FAM171A1: variants seen among roughly 807,000 people sequenced by gnomAD.
FAM171A1 encodes the protein family with sequence similarity 171 member A1.
FAM171A1 carries 23 observed loss-of-function variants against 74.9 expected under a neutral mutation model. That is an observed-to-expected ratio of 0.31 (90% CI 0.22 to 0.44). FAM171A1 has a LOEUF of 0.44. Among genes scored for constraint, FAM171A1 ranks in the 20% least tolerant of loss-of-function variants. FAM171A1 has a pLI of 1.00. For missense variants in FAM171A1, 1,162 were observed against 1,159.2 expected (o/e 1.00, Z -0.03); for synonymous variants, 527 against 505.7 (o/e 1.04, Z -0.57).
chr10:15,348,641 CCAG>C (rs1835843653), intron 1 of FAM171A1, among the ~76,000 whole-genome samples: 3 of 152,166 alleles, frequency 2.0e-5, no homozygotes, highest in Non-Finnish European at 4.4e-5. Context: ...GGTCCTCCAA[CCAG>C]CAGCATCAGC....
intron 5 of FAM171A1, among the ~76,000 whole-genome samples, chr10:15,231,750 G>A (rs1286440097): frequency 6.6e-6 from 1 of 152,086 alleles, no homozygotes; most frequent in African/African-American, 2.4e-5. Flanking sequence ...GAAGGAATCT[G>A]GTCAATTGTC....
intron 1 of FAM171A1, among the ~76,000 whole-genome samples, chr10:15,370,240 CTTTT>C (rs34087157): frequency 4.5e-5 from 5 of 110,856 alleles, no homozygotes; most frequent in Non-Finnish European, 5.5e-5. Context: ...AAGGATTTTT[CTTTT>C]TTTTTTTTTT....
At chr10:15,254,322 C>A (rs940008250) in intron 4 of FAM171A1, among the ~76,000 whole-genome samples, 3 of 152,156 alleles carry the variant, frequency 2.0e-5, no homozygotes, top group African/African-American at 7.2e-5. Context: ...CACCCACCCA[C>A]AGGCTACCCT....
intron 5 of FAM171A1, among the ~76,000 whole-genome samples, chr10:15,246,830 A>G (rs746493943): frequency 1.3e-5 from 2 of 152,050 alleles, no homozygotes; most frequent in Non-Finnish European, 2.9e-5. Flanking sequence ...CAGCAAATTG[A>G]TATTTTCAAG....
intron 2 of FAM171A1, 122 bp downstream of exon 2, chr10:15,283,756 A>T: frequency 2.2e-6 from 2 of 929,512 alleles, no homozygotes; most frequent in Non-Finnish European, 3.3e-6. Flanking sequence ...GGCTAATTTT[A>T]AATTTTTTTG....
chr10:15,317,828 T>C (rs1835440976), intron 1 of FAM171A1, among the ~76,000 whole-genome samples: 1 of 152,216 alleles, frequency 6.6e-6, no homozygotes, highest in Non-Finnish European at 1.5e-5. Flanking sequence ...TCTTGCTCTG[T>C]TGCCCAGGCT....
chr10:15,270,595 C>T (rs771647016), intron 3 of FAM171A1, among the ~76,000 whole-genome samples: 7 of 152,182 alleles, frequency 4.6e-5, no homozygotes, highest in Non-Finnish European at 7.3e-5. Context: ...AGGTCCCTGA[C>T]CCCCGAGTAG....
intron 1 of FAM171A1, among the ~76,000 whole-genome samples, chr10:15,286,831 A>C (rs2131812236): frequency 6.6e-6 from 1 of 152,320 alleles, no homozygotes; most frequent in African/African-American, 2.4e-5. Context: ...TCCTAGACCT[A>C]GCTAAATCAT....
At chr10:15,223,185 AT>A (rs1222551624) in intron 5 of FAM171A1, among the ~76,000 whole-genome samples, 6 of 152,148 alleles carry the variant, frequency 3.9e-5, no homozygotes, top group Non-Finnish European at 7.3e-5. Context: ...ACAAAAAATA[AT>A]TTTAAAAAGT....
intron 1 of FAM171A1, among the ~76,000 whole-genome samples, chr10:15,328,936 C>A (rs963537672): frequency 5.9e-5 from 9 of 152,174 alleles, no homozygotes; most frequent in Non-Finnish European, 1.2e-4. Context: ...ACATGCAAAA[C>A]AACTCTGTAA....
chr10:15,262,610 G>A (rs1246665141), intron 3 of FAM171A1, among the ~76,000 whole-genome samples: 1 of 152,198 alleles, frequency 6.6e-6, no homozygotes, highest in Non-Finnish European at 1.5e-5. Flanking sequence ...GCACAAAAGG[G>A]AGTTTAAAGA....
chr10:15,231,782 C>G (rs986325762), intron 5 of FAM171A1, among the ~76,000 whole-genome samples: 1 of 152,112 alleles, frequency 6.6e-6, no homozygotes, highest in African/African-American at 2.4e-5. Flanking sequence ...CAGGAGTCAG[C>G]GCACTCAAAT....
At chr10:15,343,228 G>A (rs1057491658) in intron 1 of FAM171A1, among the ~76,000 whole-genome samples, 4 of 152,178 alleles carry the variant, frequency 2.6e-5, no homozygotes, top group African/African-American at 9.7e-5. Flanking sequence ...AACTAGCTGA[G>A]TGCAGTAGCA....
chr10:15,293,384 CA>C (rs1298851191), intron 1 of FAM171A1, among the ~76,000 whole-genome samples: 4 of 151,510 alleles, frequency 2.6e-5, no homozygotes, highest in African/African-American at 9.7e-5. Flanking sequence ...ATTTATTGAC[CA>C]GCTGCTATAT....
chr10:15,323,893 C>A (rs1229291873), intron 1 of FAM171A1, among the ~76,000 whole-genome samples: 1 of 151,986 alleles, frequency 6.6e-6, no homozygotes, highest in African/African-American at 2.4e-5. Flanking sequence ...AGCCATAGCA[C>A]CTACTTGCCA....
chr10:15,328,183 C>T (rs530283096), intron 1 of FAM171A1, among the ~76,000 whole-genome samples: 9 of 152,096 alleles, frequency 5.9e-5, no homozygotes, highest in South Asian at 2.1e-4. Flanking sequence ...TCGCTCTTGT[C>T]GCCCAGGCTG....
At chr10:15,275,152 A>C (rs916154078) in intron 3 of FAM171A1, among the ~76,000 whole-genome samples, 3 of 152,188 alleles carry the variant, frequency 2.0e-5, no homozygotes, top group Admixed American at 2.0e-4. Flanking sequence ...ACCTAATGTA[A>C]ATGACGAGTT....
chr10:15,227,285 G>A (rs1343470127), intron 5 of FAM171A1, among the ~76,000 whole-genome samples: 1 of 152,174 alleles, frequency 6.6e-6, no homozygotes, highest in Non-Finnish European at 1.5e-5. Context: ...ATAGGTGTGA[G>A]CCACTGCACC....
chr10:15,324,910 G>A lies in FAM171A1; in HGVS notation c.98-40805C>T, dbSNP rs111390777. Among the ~76,000 whole-genome samples the A allele has an allele frequency of 2.8e-3, 431 of 152,308 alleles. 2 individuals are homozygous for A. The highest frequency in any genetic ancestry group is 9.3e-3 in the African/African-American group (386 of 41,564). ...ACTTCCAATCACTGAGTAGAAACAT[G>A]TGCAGTGACTCGTTACAGCCAGCAC... is the stretch of plus-strand genomic sequence containing the variant. On this transcript the variant is annotated intron_variant, in intron 1 of 7. Transcript: ENST00000378116.
Sources: allele counts gnomAD v4.1 joint callset (sites outside exome capture counted in the v4.1 genomes callset), GRCh38; gene constraint gnomAD v4.1.1; transcripts MANE v1.5; gene names NCBI Gene and HGNC (gene_info 2026-07-23, HGNC 2026-07-21).